NPBWR1: variants seen among roughly 807,000 people sequenced by gnomAD.
The protein encoded by NPBWR1 is neuropeptides B/W receptor type 1.
In NPBWR1, 4 loss-of-function variants were observed where a neutral mutation model predicts 2.8. The ratio of observed to expected loss-of-function variants is 1.44; its 90% CI spans 0.71 to 3.29. The LOEUF (loss-of-function observed/expected upper bound fraction) is 3.29, where lower values mean the gene tolerates loss of function less well. Ranked by LOEUF, NPBWR1 falls within the 30% of genes most tolerant of loss-of-function variation. The pLI is 0.01. For missense variants in NPBWR1, 545 were observed against 462.5 expected, an observed-to-expected ratio of 1.18 and a Z score of -1.64; for synonymous variants, 250 against 224.5, an observed-to-expected ratio of 1.11 and a Z score of -1.02.
Position 52,940,949 on chromosome 8 carries a change from A to G in NPBWR1, c.*55A>G, listed in dbSNP as rs1310026617. ...CGCCACTCCTGGCCAGCGAGGGAGG[A>G]GCCGGCGCCAGAGTGCGGGACCAGA... On this transcript the variant is annotated 3_prime_UTR_variant, in exon 2 of 2. Coordinates refer to ENST00000674939, the MANE Select transcript of NPBWR1 (RefSeq NM_005285.5). 1 of 1,532,490 alleles carries G rather than the reference A, an allele frequency of 6.5e-7. No homozygotes were observed. The highest frequency in any genetic ancestry group is 8.7e-7 in the Non-Finnish European group (1 of 1,145,380). The allele number at this position is 1,532,490 out of a possible 1,614,324, so 94.9% of individuals were successfully genotyped here.
In NPBWR1 at chr8:52,940,121, A is replaced by C. The variant is rs781559732; in HGVS notation, c.214A>C (p.Thr72Pro). 6.2e-7 allele frequency: 1 copy of C among 1,613,136 alleles called. No homozygotes were observed. The highest frequency in any genetic ancestry group is 1.7e-5 in the Admixed American group (1 of 60,024). The change falls in exon 2 of 2, where the codon ACC (threonine) becomes CCC (proline). Residue 72 changes from threonine to proline, a missense_variant. Physicochemically the swap from Thr to Pro is conservative, Grantham distance 38. Coordinates refer to ENST00000674939, the MANE Select transcript of NPBWR1 (RefSeq NM_005285.5). ...LLRAPRMKTV[T>P]NLFILNLAIA... ...GCGGGCGCCCCGCATGAAGACCGTC[A>C]CCAACCTGTTCATCCTCAACCTGGC... is the stretch of plus-strand genomic sequence containing the variant.
chr8:52,940,420 G>GC lies in NPBWR1; in HGVS notation c.516dup (p.Phe173LeufsTer188), dbSNP rs1563548302. 1 of 1,599,836 alleles carries GC rather than the reference G, an allele frequency of 6.3e-7. No homozygotes were observed. Among genetic ancestry groups the GC allele is most frequent in the African/African-American group, 1.3e-5 (1 of 75,000 alleles). ...GGGGGATCGTCACACTCGTCGTGCTGCCCTTCGCAGTCTTCGCCCGGCTAG... is the reference window on the plus strand; with the variant it reads ...GGGGGATCGTCACACTCGTCGTGCTGCCCCTTCGCAGTCTTCGCCCGGCTAG... On this transcript the variant is annotated frameshift_variant, in exon 2 of 2. Coordinates refer to ENST00000674939, the MANE Select transcript of NPBWR1 (RefSeq NM_005285.5). LOFTEE classifies it low-confidence loss of function (END_TRUNC).
rs762887875 is a variant in NPBWR1, at chr8:52,940,411, C to G, written c.504C>G (p.Leu168=). The part of the protein sequence containing the change: ...VSLAVWGIVT[L]VVLPFAVFAR... ...TGGCCGTGTGGGGGATCGTCACACTCGTCGTGCTGCCCTTCGCAGTCTTCG... is the reference window on the plus strand; with the variant it reads ...TGGCCGTGTGGGGGATCGTCACACTGGTCGTGCTGCCCTTCGCAGTCTTCG... The change falls in exon 2 of 2, where the codon CTC becomes CTG. Residue 168 remains leucine, a synonymous_variant. Transcript: ENST00000674939. The G allele has an allele frequency of 6.2e-7, 1 of 1,600,938 alleles. No homozygotes were observed. The highest frequency in any genetic ancestry group is 1.1e-5 in the South Asian group (1 of 90,632).
rs909051648 is a variant in NPBWR1, at chr8:52,940,954, G to A, written c.*60G>A. 2.6e-6 allele frequency: 4 copies of A among 1,527,482 alleles called. No homozygotes were observed. The African/African-American group carries it at 4.1e-5, about 16-fold the overall frequency. 94.6% of individuals were successfully genotyped at this position (1,527,482 alleles called of 1,614,324 possible). ...CTCCTGGCCAGCGAGGGAGGAGCCG[G>A]CGCCAGAGTGCGGGACCAGACAGGC... On this transcript the variant is annotated 3_prime_UTR_variant, in exon 2 of 2. Transcript: ENST00000674939.
chr8:52,941,798 C>G lies in NPBWR1; in HGVS notation c.*904C>G, dbSNP rs868494516. The stretch of plus-strand genomic sequence containing the variant: ...GGCGCCCCCTGGAGGAGCCAGCGGC[C>G]GAGTGCTTAGCGTCGGAGGATCGCG... On this transcript the variant is annotated 3_prime_UTR_variant, in exon 2 of 2. Coordinates refer to ENST00000674939, the MANE Select transcript of NPBWR1 (RefSeq NM_005285.5). Among the ~76,000 whole-genome samples, 4 of 152,202 alleles carry G rather than the reference C, an allele frequency of 2.6e-5. No individual in the cohort carries two copies. Among genetic ancestry groups the G allele is most frequent in the Non-Finnish European group, 5.9e-5 (4 of 68,034 alleles).
Position 52,942,704 on chromosome 8 carries a change from GCT to G in NPBWR1, c.*1814_*1815del, listed in dbSNP as rs1268043202. Among the ~76,000 whole-genome samples, 1 of 152,180 alleles carries G rather than the reference GCT, an allele frequency of 6.6e-6. No individual in the cohort carries two copies. Among genetic ancestry groups the G allele is most frequent in the African/African-American group, 2.4e-5 (1 of 41,450 alleles). ...TTGGTGAATAAGAATTGCTTTCTTA[GCT>G]CTCAGAGTTTTTAGGAACATTGAAA... is the stretch of plus-strand genomic sequence containing the variant. On this transcript the variant is annotated 3_prime_UTR_variant, in exon 2 of 2. Coordinates refer to ENST00000674939, the MANE Select transcript of NPBWR1 (RefSeq NM_005285.5).
chr8:52,939,956 C>T lies in NPBWR1; in HGVS notation c.49C>T (p.Pro17Ser), dbSNP rs1483306758. 6.3e-7 allele frequency: 1 copy of T among 1,587,862 alleles called. No homozygotes were observed. Among genetic ancestry groups the T allele is most frequent in the African/African-American group, 1.3e-5 (1 of 74,434 alleles). The change falls in exon 2 of 2, where the codon CCG becomes TCG. Residue 17 changes from proline to serine, a missense_variant. Transcript: ENST00000674939. ...SEPWPANASGPDPALSCSNAS... is the reference protein window; with the variant it reads ...SEPWPANASGSDPALSCSNAS... ...GCCCTGGCCCGCCAACGCATCGGGC[C>T]CGGACCCGGCGCTGAGCTGCTCCAA... is the stretch of plus-strand genomic sequence containing the variant.
At position 52,941,822 on chromosome 8, in the gene NPBWR1, C is replaced by G. The variant is rs1802874799; in HGVS notation, c.*928C>G. On this transcript the variant is annotated 3_prime_UTR_variant, in exon 2 of 2. Coordinates refer to ENST00000674939, the MANE Select transcript of NPBWR1 (RefSeq NM_005285.5). ...CCGAGTGCTTAGCGTCGGAGGATCG[C>G]GGGGCTTTGTGGTGGAGCACTCCGG... 6.6e-6 allele frequency among the ~76,000 whole-genome samples: 1 copy of G among 152,192 alleles called. No individual in the cohort carries two copies. The highest frequency in any genetic ancestry group is 6.5e-5 in the Admixed American group (1 of 15,292).
Position 52,940,962 on chromosome 8 carries a change from G to C in NPBWR1, c.*68G>C. ...CAGCGAGGGAGGAGCCGGCGCCAGA[G>C]TGCGGGACCAGACAGGCCGCCTAGG... On this transcript the variant is annotated 3_prime_UTR_variant, in exon 2 of 2. Coordinates refer to ENST00000674939, the MANE Select transcript of NPBWR1 (RefSeq NM_005285.5). The C allele has an allele frequency of 6.6e-7, 1 of 1,518,580 alleles. No individual in the cohort carries two copies. The highest frequency in any genetic ancestry group is 1.3e-5 in the South Asian group (1 of 77,734). The allele number at this position is 1,518,580 out of a possible 1,614,324, so 94.1% of individuals were successfully genotyped here.
In NPBWR1 at chr8:52,940,006, G is replaced by A; in HGVS notation, c.99G>A (p.Pro33=). 1 of 1,604,184 alleles carries A rather than the reference G, an allele frequency of 6.2e-7. No individual in the cohort carries two copies. Among genetic ancestry groups the A allele is most frequent in the Non-Finnish European group, 8.5e-7 (1 of 1,179,582 alleles). Residue 33 remains proline (P), a synonymous_variant, in exon 2 of 2, where the codon CCG becomes CCA. Coordinates refer to ENST00000674939, the MANE Select transcript of NPBWR1 (RefSeq NM_005285.5). ...CSNASTLAPL[P]APLAVAVPVV... ...ACGCGTCGACTCTGGCGCCGCTGCC[G>A]GCGCCGCTGGCGGTGGCTGTACCAG... is the stretch of plus-strand genomic sequence containing the variant.
Position 52,940,721 on chromosome 8 carries a change from G to A in NPBWR1, c.814G>A (p.Val272Met), listed in dbSNP as rs1468157841. Residue 272 changes from valine to methionine, a missense_variant, in exon 2 of 2, where the codon GTG (valine) becomes ATG (methionine). By Grantham distance (21) the Val-to-Met change is conservative. Coordinates refer to ENST00000674939, the MANE Select transcript of NPBWR1 (RefSeq NM_005285.5). ...CTGGACGCCCTACCACCTGAGCACC[G>A]TGGTGGCGCTCACCACCGACCTCCC... Reference protein sequence around the residue: ...LCWTPYHLSTVVALTTDLPQT... With the variant: ...LCWTPYHLSTMVALTTDLPQT... 2 of 1,613,474 alleles carry A rather than the reference G, an allele frequency of 1.2e-6. No individual in the cohort carries two copies. Among genetic ancestry groups the A allele is most frequent in the African/African-American group, 1.3e-5 (1 of 74,916 alleles).
At position 52,939,334 on chromosome 8, in the gene NPBWR1, C is replaced by T. The variant is rs1054366958; in HGVS notation, c.-230C>T. 1 of 152,254 alleles carries T rather than the reference C, an allele frequency of 6.6e-6. No individual in the cohort carries two copies. The highest frequency in any genetic ancestry group is 1.5e-5 in the Non-Finnish European group (1 of 68,134). 9.4% of individuals were successfully genotyped at this position (152,254 alleles called of 1,614,324 possible). A position where few individuals can be genotyped will look rare whatever the true frequency, so the allele number is the denominator to read the frequency against. On this transcript the variant is annotated 5_prime_UTR_variant, in exon 1 of 2. Transcript: ENST00000674939. ...CGGCGGGCTTTTCTCCTGACAGCTCCAGGAAAGGCAGACCCCTTCCCCAGC... is the reference window on the plus strand; with the variant it reads ...CGGCGGGCTTTTCTCCTGACAGCTCTAGGAAAGGCAGACCCCTTCCCCAGC...
At position 52,939,841 on chromosome 8, in the gene NPBWR1, G is replaced by A; in HGVS notation, c.-67G>A. On this transcript the variant is annotated 5_prime_UTR_variant, in exon 2 of 2. Transcript: ENST00000674939. ...CAGGTCCGTGCAGAACCGGGCTTCA[G>A]GACCGCTGAGCTCCGTAGGGCGTCC... is the stretch of plus-strand genomic sequence containing the variant. 1 of 1,442,730 alleles carries A rather than the reference G, an allele frequency of 6.9e-7. No individual in the cohort carries two copies. The highest frequency in any genetic ancestry group is 9.1e-7 in the Non-Finnish European group (1 of 1,101,994). The allele number at this position is 1,442,730 out of a possible 1,614,324, so 89.4% of individuals were successfully genotyped here. A position where few individuals can be genotyped will look rare whatever the true frequency, so the allele number is the denominator to read the frequency against.
chr8:52,940,894 A>G lies in NPBWR1; in HGVS notation c.987A>G (p.Ter329TrpextTer84), dbSNP rs766235715. The part of the protein sequence containing the change: ...RQLITCRAAA[*>W] Reference sequence around the variant, plus strand: ...TGATAACTTGCCGCGCGGCAGCCTGACTCCCCCAGCGTCCGGCTCCGCAAC... The same window carrying G: ...TGATAACTTGCCGCGCGGCAGCCTGGCTCCCCCAGCGTCCGGCTCCGCAAC... Residue 329 changes from the stop codon to tryptophan, a stop_lost, in exon 2 of 2, where the codon TGA becomes TGG. Coordinates refer to ENST00000674939, the MANE Select transcript of NPBWR1 (RefSeq NM_005285.5). 6.3e-7 allele frequency: 1 copy of G among 1,581,630 alleles called. No homozygotes were observed.
Position 52,940,390 on chromosome 8 carries a change from C to G in NPBWR1, c.483C>G (p.Ala161=), listed in dbSNP as rs143586123. 5.5e-4 allele frequency: 874 copies of G among 1,603,100 alleles called. 5 individuals carry two copies. The highest frequency in any genetic ancestry group is 8.7e-5 in the Non-Finnish European group (102 of 1,178,714). The part of the protein sequence containing the change: ...TYSAARAVSL[A]VWGIVTLVVL... ...GCGCCGCGCGCGCGGTGAGCCTGGC[C>G]GTGTGGGGGATCGTCACACTCGTCG... The change falls in exon 2 of 2, where the codon GCC becomes GCG. Residue 161 remains alanine (A), a synonymous_variant. Coordinates refer to ENST00000674939, the MANE Select transcript of NPBWR1 (RefSeq NM_005285.5).
rs1802879675 is a variant in NPBWR1 at position 52,941,921 on chromosome 8, C to T, written c.*1027C>T. ...GAGGATGCCAAGCCCCACCCCCATT[C>T]CCCCAATTGGCCTCGTCTCTTGTCT... On this transcript the variant is annotated 3_prime_UTR_variant, in exon 2 of 2. Transcript: ENST00000674939. Among the ~76,000 whole-genome samples, 1 of 152,188 alleles carries T rather than the reference C, an allele frequency of 6.6e-6. No homozygotes were observed. Among genetic ancestry groups the T allele is most frequent in the South Asian group, 2.1e-4 (1 of 4,836 alleles).
At chr8:52,939,685 C>A (rs1585511369) in intron 1 of NPBWR1, 26 bp from the exon 2 acceptor site, 2 of 523,022 alleles carry the variant, frequency 3.8e-6, no homozygotes, top group South Asian at 7.0e-5. Context: ...GACGAACTAA[C>A]CTATGCTTTA....
chr8:52,940,638 G>T lies in NPBWR1; in HGVS notation c.731G>T (p.Arg244Leu), dbSNP rs906189485. The change falls in exon 2 of 2, where the codon CGC becomes CTC. Residue 244 changes from arginine to leucine, a missense_variant. By Grantham distance (102) the Arg-to-Leu change is moderately radical (BLOSUM62 -2). Coordinates refer to ENST00000674939, the MANE Select transcript of NPBWR1 (RefSeq NM_005285.5). ...GACAGCCACGCCAAGGCCCTGGAGC[G>T]CGCCAAGAAGCGGGTGACCTTCCTG... ...RLDSHAKALE[R>L]AKKRVTFLVV... 6.2e-7 allele frequency: 1 copy of T among 1,609,496 alleles called. No homozygotes were observed. Among genetic ancestry groups the T allele is most frequent in the South Asian group, 1.1e-5 (1 of 90,762 alleles).
chr8:52,942,756 A>AAT lies in NPBWR1; in HGVS notation c.*1866_*1867dup, dbSNP rs1261183561. On this transcript the variant is annotated 3_prime_UTR_variant, in exon 2 of 2. Transcript: ENST00000674939. ...ATAATTCATAGCCATCAGTTTAGAAAATATACATTAAAAAACCTTCTGTCT... is the reference window on the plus strand; with the variant it reads ...ATAATTCATAGCCATCAGTTTAGAAAATATATACATTAAAAAACCTTCTGTCT... 6.6e-6 allele frequency among the ~76,000 whole-genome samples: 1 copy of AAT among 152,188 alleles called. No homozygotes were observed. The highest frequency in any genetic ancestry group is 2.4e-5 in the African/African-American group (1 of 41,450).
Sources: allele counts gnomAD v4.1 joint callset (sites outside exome capture counted in the v4.1 genomes callset), GRCh38; gene constraint gnomAD v4.1.1; transcripts MANE v1.5; gene names NCBI Gene and HGNC (gene_info 2026-07-23, HGNC 2026-07-21).